ADSS2: variants seen among roughly 807,000 people sequenced by gnomAD.
The protein encoded by ADSS2 is adenylosuccinate synthase 2.
ADSS2 carries 30 observed loss-of-function variants against 60.0 expected under a neutral mutation model. That is an observed-to-expected ratio of 0.50 (90% CI 0.37 to 0.68). ADSS2 has a LOEUF of 0.68. Among genes scored for constraint, ADSS2 ranks in the 30% least tolerant of loss-of-function variants. ADSS2 has a pLI of 0.00. For synonymous variants in ADSS2, 187 were observed against 193.1 expected, an observed-to-expected ratio of 0.97 and a Z score of 0.26; for missense variants, 373 against 554.8, an observed-to-expected ratio of 0.67 and a Z score of 3.29.
intron 3 of ADSS2, among the ~76,000 whole-genome samples, chr1:244,433,539 T>C (rs865838690): frequency 1.3e-5 from 2 of 152,174 alleles, no homozygotes; most frequent in East Asian, 1.9e-4. Flanking sequence ...ATTTTAGGAA[T>C]GGCATCCTTT....
chr1:244,432,252 T>C (rs1223497437), intron 4 of ADSS2, among the ~76,000 whole-genome samples: 1 of 152,234 alleles, frequency 6.6e-6, no homozygotes, highest in Non-Finnish European at 1.5e-5. Context: ...AAATAAATGT[T>C]CTTTGCATTT....
intron 1 of ADSS2, 150 bp from the exon 2 acceptor site, chr1:244,437,918 A>C: frequency 3.1e-6 from 2 of 637,782 alleles, no homozygotes; most frequent in Non-Finnish European, 2.8e-6. Flanking sequence ...AAAAGGCTTT[A>C]AAATAGTTTG....
chr1:244,410,432 C>T (rs969733803), intron 12 of ADSS2, among the ~76,000 whole-genome samples: 17 of 152,124 alleles, frequency 1.1e-4, no homozygotes, highest in Admixed American at 8.5e-4. Context: ...TACAGCCATA[C>T]GTTGTTATGC....
intron 1 of ADSS2, among the ~76,000 whole-genome samples, chr1:244,439,544 T>C (rs1391889772): frequency 6.6e-6 from 1 of 152,138 alleles, no homozygotes; most frequent in Non-Finnish European, 1.5e-5. Flanking sequence ...CAAATCCTCC[T>C]GACTCTTCCT....
At chr1:244,420,019 A>C in intron 8 of ADSS2, 151 bp downstream of exon 8, 2 of 710,550 alleles carry the variant, frequency 2.8e-6, no homozygotes, top group Non-Finnish European at 4.4e-6. Context: ...TCCTTTAAAA[A>C]GAGTGCCACA....
intron 1 of ADSS2, 105 bp from the exon 2 acceptor site, chr1:244,437,873 G>T: frequency 1.2e-6 from 1 of 857,302 alleles, no homozygotes. Flanking sequence ...GTCAACTTAA[G>T]AGAGCCCAAA....
At position 244,451,524 on chromosome 1, in the gene ADSS2, A is replaced by T; in HGVS notation, c.183+111T>A. The T allele has an allele frequency of 3.3e-5, 33 of 1,004,624 alleles. No individual in the cohort carries two copies. Among genetic ancestry groups the T allele is most frequent in the Non-Finnish European group, 3.9e-5 (27 of 698,982 alleles). The allele number at this position is 1,004,624 out of a possible 1,614,324, so 62.2% of individuals were successfully genotyped here. A position where few individuals can be genotyped will look rare whatever the true frequency, so the allele number is the denominator to read the frequency against. The stretch of plus-strand genomic sequence containing the variant: ...CAGGAGGAGAGAGCCTCAAGGTGAC[A>T]CCTCATTTTGGCCAGTGGATCCGGG... On this transcript the variant is annotated intron_variant, in intron 1 of 12. Transcript: ENST00000366535. The surrounding 1 kb of genome is among the most constrained non-coding windows in gnomAD (Gnocchi z 6.6).
At chr1:244,421,580 C>T (rs1046638311) in intron 7 of ADSS2, among the ~76,000 whole-genome samples, 35 of 152,210 alleles carry the variant, frequency 2.3e-4, no homozygotes, top group African/African-American at 8.4e-4. Flanking sequence ...TATTCTTCAC[C>T]TACTTTACAT....
chr1:244,448,616 T>A (rs1665451623), intron 1 of ADSS2, among the ~76,000 whole-genome samples: 1 of 152,246 alleles, frequency 6.6e-6, no homozygotes, highest in Non-Finnish European at 1.5e-5. Flanking sequence ...TAAAGCCTGG[T>A]ATAAACTACT....
chr1:244,417,793 T>C, intron 9 of ADSS2, 41 bp from the exon 10 acceptor site: 1 of 1,587,664 alleles, frequency 6.3e-7, no homozygotes, highest in Non-Finnish European at 8.6e-7. Context: ...AGAATAGCAG[T>C]GCTATATATC....
At chr1:244,435,035 G>A (rs975169501) in intron 3 of ADSS2, among the ~76,000 whole-genome samples, 7 of 151,794 alleles carry the variant, frequency 4.6e-5, no homozygotes, top group African/African-American at 1.7e-4. Context: ...GGGCATGGTG[G>A]CACGTGCCTA....
chr1:244,410,334 T>C (rs1664382721), intron 12 of ADSS2, among the ~76,000 whole-genome samples: 1 of 152,090 alleles, frequency 6.6e-6, no homozygotes, highest in Admixed American at 6.6e-5. Context: ...ACACTTCACT[T>C]TTTCTTATGT....
At chr1:244,418,302 A>C (rs1186031119) in intron 9 of ADSS2, among the ~76,000 whole-genome samples, 1 of 152,046 alleles carries the variant, frequency 6.6e-6, no homozygotes. Context: ...ATAATTACAT[A>C]GTTTTTGTTT....
chr1:244,427,738 C>T (rs530227579), intron 4 of ADSS2, among the ~76,000 whole-genome samples: 2 of 152,206 alleles, frequency 1.3e-5, no homozygotes, highest in South Asian at 4.1e-4. Context: ...GTGGTATTAA[C>T]AATCATAGCT....
chr1:244,411,356 C>T lies in ADSS2; in HGVS notation c.1249G>A (p.Ala417Thr), dbSNP rs757006775. ...GCATTAACAGGTAGTTCTTTAAACG[C>T]CCTTGCATTTGATATGTCTGTGTTC... ...GWNTDISNAR[A>T]FKELPVNAQN... The change falls in exon 12 of 13, where the codon GCG becomes ACG. Residue 417 changes from alanine to threonine, a missense_variant. Physicochemically the swap from Ala to Thr is moderately conservative, Grantham distance 58. Coordinates refer to ENST00000366535, the MANE Select transcript of ADSS2 (RefSeq NM_001126.5). The T allele has an allele frequency of 1.2e-6, 2 of 1,613,838 alleles. No individual in the cohort carries two copies. The highest frequency in any genetic ancestry group is 1.7e-6 in the Non-Finnish European group (2 of 1,179,858).
rs1664412885 is a variant in ADSS2, at chr1:244,411,350, T to C, written c.1255A>G (p.Lys419Glu). The C allele has an allele frequency of 1.2e-6, 2 of 1,614,050 alleles. No individual in the cohort carries two copies. The highest frequency in any genetic ancestry group is 1.7e-6 in the Non-Finnish European group (2 of 1,179,950). ...NTDISNARAF[K>E]ELPVNAQNYV... ...TTTTGTGCATTAACAGGTAGTTCTT[T>C]AAACGCCCTTGCATTTGATATGTCT... The change falls in exon 12 of 13, where the codon AAA becomes GAA. Residue 419 changes from lysine to glutamate, a missense_variant. Lys to Glu is a moderately conservative substitution (Grantham distance 56). Coordinates refer to ENST00000366535, the MANE Select transcript of ADSS2 (RefSeq NM_001126.5).
chr1:244,446,890 T>C (rs1183617462), intron 1 of ADSS2, among the ~76,000 whole-genome samples: 1 of 152,122 alleles, frequency 6.6e-6, no homozygotes, highest in Non-Finnish European at 1.5e-5. Context: ...GTCAAAAAAG[T>C]TTTCTCAATA....
intron 6 of ADSS2, 81 bp from the exon 7 acceptor site, chr1:244,422,997 G>T: frequency 1.1e-6 from 1 of 931,450 alleles, no homozygotes; most frequent in Non-Finnish European, 1.6e-6. Context: ...AATGGTTTCT[G>T]CAGATGGTAA....
At chr1:244,414,971 C>A (rs1445700723) in intron 11 of ADSS2, among the ~76,000 whole-genome samples, 1 of 152,268 alleles carries the variant, frequency 6.6e-6, no homozygotes, top group Non-Finnish European at 1.5e-5. Context: ...AGTGCTACTG[C>A]TGAAAGCATT....
Sources: gnomAD v4.1 joint callset for allele counts (sites outside exome capture counted in the v4.1 genomes callset) on GRCh38, gnomAD v4.1.1 for gene constraint, Gnocchi (gnomAD v3.1) non-coding constraint, MANE v1.5 for transcripts, NCBI Gene and HGNC (gene_info 2026-07-23, HGNC 2026-07-21) for gene names.